ACTN1: variants seen among roughly 807,000 people sequenced by gnomAD.
ACTN1 encodes the protein alpha-actinin-1.
ACTN1 carries 30 observed loss-of-function variants against 119.6 expected under a neutral mutation model. The ratio of observed to expected loss-of-function variants is 0.25; its 90% CI spans 0.19 to 0.34. The LOEUF is 0.34. Among genes scored for constraint, ACTN1 ranks in the 10% least tolerant of loss-of-function variants. The pLI, the probability that ACTN1 is intolerant of heterozygous loss-of-function variation, is 1.00. For missense variants in ACTN1, 764 were observed against 1,223.4 expected (o/e 0.62, Z 5.60); for synonymous variants, 429 against 472.6 (o/e 0.91, Z 1.20).
At chr14:68,936,061 C>A (rs531398441) in intron 1 of ACTN1, among the ~76,000 whole-genome samples, 13 of 149,028 alleles carry the variant, frequency 8.7e-5, no homozygotes, top group African/African-American at 2.6e-4. Context: ...GCTCTGCTAG[C>A]GCAAACAAGT....
chr14:68,875,038 G>A (rs772926735), intron 21 of ACTN1, 21 bp from the exon 22 acceptor site: 80 of 1,610,770 alleles, frequency 5.0e-5, no homozygotes, highest in Middle Eastern at 1.6e-4. Context: ...AGAGTGGTCA[G>A]GAAGGCCGCA....
chr14:68,890,073 G>A (rs946475972), intron 11 of ACTN1, 66 bp downstream of exon 11: 47 of 1,571,464 alleles, frequency 3.0e-5, no homozygotes, highest in Non-Finnish European at 3.9e-5. Context: ...CATAGTGGCT[G>A]CTGGCTGGGC....
At position 68,882,825 on chromosome 14, in the gene ACTN1, C is replaced by T. The variant is rs750611707; in HGVS notation, c.1818+48G>A. The T allele has an allele frequency of 6.9e-6, 11 of 1,590,598 alleles. No homozygotes were observed. The East Asian group carries it at 2.5e-4, about 36-fold the overall frequency. On this transcript the variant is annotated intron_variant, in intron 15 of 21. Transcript: ENST00000394419. The surrounding 1 kb of genome is among the most constrained non-coding windows in gnomAD (Gnocchi z 4.5). ...AATCAATTAAAATGGACAAAAATCC[C>T]TGCCTTTATGAAACTTACAATGGCT...
chr14:68,965,685 G>C (rs1269719662), intron 1 of ACTN1, among the ~76,000 whole-genome samples: 1 of 152,192 alleles, frequency 6.6e-6, no homozygotes, highest in Non-Finnish European at 1.5e-5. Flanking sequence ...CACACCCTAA[G>C]CAGGTATTTC....
At chr14:68,908,267 T>C (rs956538821) in intron 6 of ACTN1, among the ~76,000 whole-genome samples, 2 of 152,080 alleles carry the variant, frequency 1.3e-5, no homozygotes, top group South Asian at 4.2e-4. Flanking sequence ...TTTTGGCAGC[T>C]TGCTATCCAC....
chr14:68,935,282 C>T (rs10220679), intron 1 of ACTN1, among the ~76,000 whole-genome samples: 14,635 of 152,040 alleles, frequency 0.096, 857 homozygotes, highest in African/African-American at 0.15. Context: ...CCTCTGCCTC[C>T]CAAAATGCTG....
intron 1 of ACTN1, chr14:68,947,553 T>G (rs1229528062): frequency 6.6e-6 from 1 of 152,262 alleles, no homozygotes; most frequent in African/African-American, 2.4e-5. Context: ...CAAAGCTGGG[T>G]TCTCCCTAAC....
At position 68,874,817 on chromosome 14, in the gene ACTN1, C is replaced by A; in HGVS notation, c.*42G>T. ...GATGGGCGACGGCGGAGGTGCAAGG[C>A]AGGGCACGGCGCACAAGACGAGGGC... is the stretch of plus-strand genomic sequence containing the variant. On this transcript the variant is annotated 3_prime_UTR_variant, in exon 22 of 22. Transcript: ENST00000394419. 6.6e-7 allele frequency: 1 copy of A among 1,511,106 alleles called. No individual in the cohort carries two copies. Among genetic ancestry groups the A allele is most frequent in the Non-Finnish European group, 8.9e-7 (1 of 1,124,914 alleles). 93.6% of individuals were successfully genotyped at this position (1,511,106 alleles called of 1,614,324 possible).
chr14:68,890,059 A>G lies in ACTN1; in HGVS notation c.1234+80T>C, dbSNP rs867545946. Reference sequence around the variant, plus strand: ...AAATGAAACAAATGAAAAGCAAAGAATAGCATAGTGGCTGCTGGCTGGGCT... The same window carrying G: ...AAATGAAACAAATGAAAAGCAAAGAGTAGCATAGTGGCTGCTGGCTGGGCT... On this transcript the variant is annotated intron_variant, in intron 11 of 21. Coordinates refer to ENST00000394419, the MANE Select transcript of ACTN1 (RefSeq NM_001130004.2). 21 of 1,547,778 alleles carry G rather than the reference A, an allele frequency of 1.4e-5. 1 individual carries two copies. The highest frequency in any genetic ancestry group is 3.6e-4 in the Middle Eastern group (2 of 5,568).
chr14:68,876,492 G>GT (rs2030909812), intron 21 of ACTN1, among the ~76,000 whole-genome samples: 1 of 152,094 alleles, frequency 6.6e-6, no homozygotes, highest in Middle Eastern at 3.2e-3. Context: ...GTGGTTCTGG[G>GT]TAACATCCAG....
At chr14:68,924,062 G>C (rs1233098235) in intron 2 of ACTN1, among the ~76,000 whole-genome samples, 1 of 152,236 alleles carries the variant, frequency 6.6e-6, no homozygotes, top group East Asian at 1.9e-4. Flanking sequence ...GGTATACCTA[G>C]AGTAGTCAAA....
intron 6 of ACTN1, among the ~76,000 whole-genome samples, chr14:68,907,056 T>A (rs1370188381): frequency 6.6e-6 from 1 of 152,000 alleles, no homozygotes; most frequent in African/African-American, 2.4e-5. Flanking sequence ...GCGAATCACC[T>A]GAGGTCAGGA....
rs1313239118 is a variant in ACTN1, at chr14:68,979,204, CGCTGCTGGCGAAGGCT to C, written c.-164_-149del. ...TCCCCTGCGCCCGGTTCCGCCGCGG[CGCTGCTGGCGAAGGCT>C]GCTACTGGCGGCGACAGCGGCGGCT... On this transcript the variant is annotated 5_prime_UTR_variant, in exon 1 of 22. Transcript: ENST00000394419. The C allele has an allele frequency of 2.0e-6, 1 of 497,252 alleles. No individual in the cohort carries two copies. Among genetic ancestry groups the C allele is most frequent in the Admixed American group, 4.4e-5 (1 of 22,834 alleles). 30.8% of individuals were successfully genotyped at this position (497,252 alleles called of 1,614,324 possible).
In ACTN1 at chr14:68,882,380, C is replaced by G. The variant is rs2031622101; in HGVS notation, c.1953+78G>C. On this transcript the variant is annotated intron_variant, in intron 16 of 21. Transcript: ENST00000394419. The surrounding 1 kb of genome is among the most constrained non-coding windows in gnomAD (Gnocchi z 4.5). ...CCTCCATGGGTCCCACCCAGGGAGACAGGCAGCCTGGCTGGCTAGGATAGT... is the reference window on the plus strand; with the variant it reads ...CCTCCATGGGTCCCACCCAGGGAGAGAGGCAGCCTGGCTGGCTAGGATAGT... The G allele has an allele frequency of 6.4e-7, 1 of 1,566,294 alleles. No homozygotes were observed. Among genetic ancestry groups the G allele is most frequent in the Non-Finnish European group, 8.7e-7 (1 of 1,152,578 alleles).
chr14:68,915,398 C>T (rs1274061305), intron 3 of ACTN1, among the ~76,000 whole-genome samples: 1 of 152,220 alleles, frequency 6.6e-6, no homozygotes, highest in African/African-American at 2.4e-5. Flanking sequence ...TGGACACCTC[C>T]CTTGACCACC....
chr14:68,955,569 G>A (rs1239023576), intron 1 of ACTN1, among the ~76,000 whole-genome samples: 4 of 152,160 alleles, frequency 2.6e-5, no homozygotes, highest in African/African-American at 4.8e-5. Context: ...CCCTCTCTCC[G>A]CAGGAAACCA....
intron 1 of ACTN1, among the ~76,000 whole-genome samples, chr14:68,928,161 G>C (rs1461150125): frequency 2.0e-5 from 3 of 152,206 alleles, no homozygotes; most frequent in African/African-American, 7.2e-5. Flanking sequence ...CTACCCAGTC[G>C]TGGAGGGGGT....
At chr14:68,892,978 C>T (rs1334611022) in intron 9 of ACTN1, among the ~76,000 whole-genome samples, 2 of 152,132 alleles carry the variant, frequency 1.3e-5, no homozygotes, top group Admixed American at 6.5e-5. Context: ...AGGAGACAAC[C>T]GAGGCCCTAC....
chr14:68,940,001 T>C (rs2035709921), intron 1 of ACTN1, among the ~76,000 whole-genome samples: 1 of 152,134 alleles, frequency 6.6e-6, no homozygotes, highest in African/African-American at 2.4e-5. Context: ...CCTGCTGAGA[T>C]GAGGATTACT....
Sources: allele counts gnomAD v4.1 joint callset (sites outside exome capture counted in the v4.1 genomes callset), GRCh38; gene constraint gnomAD v4.1.1; non-coding constraint Gnocchi (gnomAD v3.1); transcripts MANE v1.5; gene names NCBI Gene and HGNC (gene_info 2026-07-23, HGNC 2026-07-21).